The following COL6A3 variants were observed in gnomAD, a reference collection of about 807,000 sequenced individuals.
The protein encoded by COL6A3 is collagen alpha-3(VI) chain.
In COL6A3, 137 loss-of-function variants were observed where a neutral mutation model predicts 274.1. The observed-to-expected ratio is 0.50, with a 90% CI of 0.44 to 0.58. The LOEUF is 0.58. COL6A3 is among the 20% of genes least tolerant of loss of function. The pLI is 0.00. For synonymous variants in COL6A3, 1,650 were observed against 1,650.6 expected (o/e 1.00, Z 0.01); for missense variants, 3,950 against 4,124.9 (o/e 0.96, Z 1.16).
chr2:237,396,761 G>C lies in COL6A3; in HGVS notation c.57C>G (p.Gly19=). ...GCTGCTGGGCATGAGTTGTAGGAAA[G>C]CCTGAGAGAAAGAGGCAAAAGACGG... ...LVAVFCLFLS[G]FPTTHAQQQQ... Residue 19 remains glycine, a synonymous_variant, in exon 2 of 44, where the codon GGC becomes GGG. Transcript: ENST00000295550. The C allele has an allele frequency of 6.2e-7, 1 of 1,614,196 alleles. No individual in the cohort carries two copies. Among genetic ancestry groups the C allele is most frequent in the Non-Finnish European group, 8.5e-7 (1 of 1,180,036 alleles).
chr2:237,332,886 C>A (rs532821238), intron 42 of COL6A3: 2 of 157,332 alleles, frequency 1.3e-5, no homozygotes, highest in African/African-American at 4.8e-5. Context: ...TCCTGAATTA[C>A]ACCTAACCAG....
intron 33 of COL6A3, 21 bp downstream of exon 33, chr2:237,345,160 T>C: frequency 6.2e-7 from 1 of 1,614,208 alleles, no homozygotes; most frequent in South Asian, 1.1e-5. Context: ...TAATGAGTCA[T>C]TCTGGACACA....
At chr2:237,377,863 C>A (rs746140855) in intron 6 of COL6A3, among the ~76,000 whole-genome samples, 7 of 152,200 alleles carry the variant, frequency 4.6e-5, no homozygotes, top group African/African-American at 4.8e-5. Flanking sequence ...CCAAGACCCA[C>A]AATAGTGCCC....
chr2:237,348,654 C>T lies in COL6A3; in HGVS notation c.6889G>A (p.Gly2297Arg), dbSNP rs1224613890. Residue 2297 changes from glycine (G) to arginine (R), a missense_variant, in exon 29 of 44, where the codon GGG becomes AGG. Around this residue, in one of 5 missense-constraint regions of COL6A3, gnomAD observed 1,284 missense variants for 1,349.7 expected, o/e 0.95. Transcript: ENST00000295550. ...RGPRGETGDDGRDGVGSEGRR... is the reference protein window; with the variant it reads ...RGPRGETGDDRRDGVGSEGRR... ...CCTTCACTGCCAACTCCGTCTCTCCCGTCATCTCCCTAAGAGTGGGAAAGA... is the reference window on the plus strand; with the variant it reads ...CCTTCACTGCCAACTCCGTCTCTCCTGTCATCTCCCTAAGAGTGGGAAAGA... 7.4e-6 allele frequency: 12 copies of T among 1,614,086 alleles called. No homozygotes were observed. Among genetic ancestry groups the T allele is most frequent in the East Asian group, 2.2e-5 (1 of 44,896 alleles).
In COL6A3 at chr2:237,368,590, C is replaced by G. The variant is rs398124121; in HGVS notation, c.4873G>C (p.Val1625Leu). 6.2e-7 allele frequency: 1 copy of G among 1,614,072 alleles called. No homozygotes were observed. The highest frequency in any genetic ancestry group is 2.2e-5 in the East Asian group (1 of 44,872). ...GGCCGTGAAGGAGGAGGGGTGTCCA[C>G]CCCTGGAGGTGCAGGAGTGGCTGCG... ...PSAATPAPPGVDTPPPSRPEK... is the reference protein window; with the variant it reads ...PSAATPAPPGLDTPPPSRPEK... Residue 1625 changes from valine (V) to leucine (L), a missense_variant, in exon 10 of 44, where the codon GTG becomes CTG. This residue lies in a region of COL6A3 where 632 missense variants were observed against 623.4 expected (regional missense o/e 1.01). Coordinates refer to ENST00000295550, the MANE Select transcript of COL6A3 (RefSeq NM_004369.4). This position sits in a 1 kb window ranked among gnomAD's most constrained non-coding sequence, Gnocchi z 4.4.
rs776144262 is a variant in COL6A3, at chr2:237,339,012, T to TA, written c.8567+2dup. ...TTTTAAGACAATAATTATAATCACT[T>TA]ACACTTGTTTGTGACCAAACTTCAC... is the stretch of plus-strand genomic sequence containing the variant. On this transcript the variant is annotated splice_region_variant and intron_variant, in intron 39 of 43. Transcript: ENST00000295550. 26 of 1,611,940 alleles carry TA rather than the reference T, an allele frequency of 1.6e-5. No individual in the cohort carries two copies. Among genetic ancestry groups the TA allele is most frequent in the Non-Finnish European group, 3.4e-6 (4 of 1,177,984 alleles).
chr2:237,355,656 G>T (rs1312660991), intron 23 of COL6A3: 1 of 152,216 alleles, frequency 6.6e-6, no homozygotes, highest in Admixed American at 6.5e-5. Flanking sequence ...GTGTTGCAGA[G>T]GCTGTGACCG....
chr2:237,363,945 T>C (rs2077492365), intron 13 of COL6A3, among the ~76,000 whole-genome samples: 1 of 152,242 alleles, frequency 6.6e-6, no homozygotes, highest in Non-Finnish European at 1.5e-5. Context: ...TTATTTTCTT[T>C]GTATTATTTG....
At position 237,354,960 on chromosome 2, in the gene COL6A3, TG is replaced by T. The variant is rs60436236; in HGVS notation, c.6592-27del. On this transcript the variant is annotated intron_variant, in intron 23 of 43. Transcript: ENST00000295550. ...CTGTGGAAGAAAAAGTCCCACAAAC[TG>T]TGAGGGGGAGCATGGGACGCTGGGC... 8.1e-4 allele frequency: 1,300 copies of T among 1,612,424 alleles called. 10 individuals carry two copies. The African/African-American group carries it at 0.015, about 19-fold the overall frequency.
intron 1 of COL6A3, among the ~76,000 whole-genome samples, chr2:237,398,730 G>T (rs952460283): frequency 2.0e-5 from 3 of 152,156 alleles, no homozygotes; most frequent in Admixed American, 6.5e-5. Flanking sequence ...GCAATGATGT[G>T]CATGTCAGTG....
Position 237,340,777 on chromosome 2 carries a change from C to T in COL6A3, c.8139G>A (p.Arg2713=). The T allele has an allele frequency of 6.2e-7, 1 of 1,614,160 alleles. No homozygotes were observed. The highest frequency in any genetic ancestry group is 8.5e-7 in the Non-Finnish European group (1 of 1,180,042). Residue 2713 remains arginine (R), a synonymous_variant, in exon 38 of 44, where the codon AGG becomes AGA. Coordinates refer to ENST00000295550, the MANE Select transcript of COL6A3 (RefSeq NM_004369.4). The stretch of plus-strand genomic sequence containing the variant: ...TGTATTCAATGGCACTGCCTAAGGC[C>T]CTGGTTCCCTGCAACTGTGTCATTC... ...SRGMTQLQGT[R]ALGSAIEYTI... is the part of the protein sequence containing the mutation.
Position 237,377,244 on chromosome 2 carries a change from GA to G in COL6A3, c.2597del (p.Leu866ProfsTer3). 1 of 1,611,642 alleles carries G rather than the reference GA, an allele frequency of 6.2e-7. No homozygotes were observed. The highest frequency in any genetic ancestry group is 8.5e-7 in the Non-Finnish European group (1 of 1,180,022). The part of the protein sequence containing the change: ...RDFLYKIIDE[L>X]NVKPEGTRIA... ...TTCGGGTCCCCTCTGGCTTCACATT[GA>G]GCTCATCGATAATCTTGTAGAGAAA... On this transcript the variant is annotated frameshift_variant, in exon 7 of 44. Coordinates refer to ENST00000295550, the MANE Select transcript of COL6A3 (RefSeq NM_004369.4). LOFTEE classifies it high-confidence loss of function.
chr2:237,379,706 G>A (rs1304475415), intron 5 of COL6A3, among the ~76,000 whole-genome samples: 2 of 152,108 alleles, frequency 1.3e-5, no homozygotes, highest in Non-Finnish European at 2.9e-5. Context: ...CTGAGAAAAC[G>A]AGTTCCTTAA....
At chr2:237,400,001 T>A (rs1192655483) in intron 1 of COL6A3, among the ~76,000 whole-genome samples, 1 of 152,218 alleles carries the variant, frequency 6.6e-6, no homozygotes, top group Non-Finnish European at 1.5e-5. Context: ...CTAGTTAATA[T>A]TGTCATTTTT....
intron 39 of COL6A3, among the ~76,000 whole-genome samples, chr2:237,337,908 C>T (rs1700633870): frequency 6.6e-6 from 1 of 151,986 alleles, no homozygotes; most frequent in African/African-American, 2.4e-5. Flanking sequence ...AGAACATGCA[C>T]ATGACTTCCT....
chr2:237,382,549 A>C (rs2078035247), intron 4 of COL6A3, among the ~76,000 whole-genome samples: 1 of 152,248 alleles, frequency 6.6e-6, no homozygotes, highest in African/African-American at 2.4e-5. Context: ...AAGAACCATG[A>C]ACTCTGTTAA....
rs757748748 is a variant in COL6A3 at position 237,381,218 on chromosome 2, C to T, written c.1594G>A (p.Val532Ile). Residue 532 changes from valine (V) to isoleucine (I), a missense_variant, in exon 5 of 44, where the codon GTT becomes ATT. Val to Ile is a conservative substitution (Grantham distance 29). This residue lies in a region of COL6A3 where 1,934 missense variants were observed against 1,984.3 expected (regional missense o/e 0.97). Coordinates refer to ENST00000295550, the MANE Select transcript of COL6A3 (RefSeq NM_004369.4). ...ALYTGSALDF[V>I]RNNLFTSSAG... is the part of the protein sequence containing the mutation. Reference sequence around the variant, plus strand: ...GAACTCGTGAATAGGTTGTTACGAACAAAGTCTAGAGCAGAGCCCGTGTAC... The same window carrying T: ...GAACTCGTGAATAGGTTGTTACGAATAAAGTCTAGAGCAGAGCCCGTGTAC... 6.8e-6 allele frequency: 11 copies of T among 1,614,156 alleles called. No individual in the cohort carries two copies. The Admixed American group carries it at 1.5e-4, about 22-fold the overall frequency.
At chr2:237,348,750 G>A in intron 28 of COL6A3, 87 bp from the exon 29 acceptor site, 1 of 1,172,204 alleles carries the variant, frequency 8.5e-7, no homozygotes, top group Non-Finnish European at 1.3e-6. Context: ...CCCCTGAGAA[G>A]TGGATCCTTG....
At position 237,345,360 on chromosome 2, in the gene COL6A3, T is replaced by G. The variant is rs751441580; in HGVS notation, c.7093-147A>C. 6.1e-5 allele frequency: 46 copies of G among 750,414 alleles called. No individual in the cohort carries two copies. The Middle Eastern group carries it at 1.2e-3, about 20-fold the overall frequency. 46.5% of individuals were successfully genotyped at this position (750,414 alleles called of 1,614,324 possible). ...ACAGCCTCTCCCTCTAAACCTGATC[T>G]TATCCCTTGCAAAGCAAAAAAGAGA... is the stretch of plus-strand genomic sequence containing the variant. On this transcript the variant is annotated intron_variant, in intron 32 of 43. Transcript: ENST00000295550.
Sources: allele counts gnomAD v4.1 joint callset (sites outside exome capture counted in the v4.1 genomes callset), GRCh38; gene constraint gnomAD v4.1.1; regional missense constraint gnomAD v4.1.1; non-coding constraint Gnocchi (gnomAD v3.1); transcripts MANE v1.5; gene names NCBI Gene and HGNC (gene_info 2026-07-23, HGNC 2026-07-21).